Variants in TMTC4 observed in about 807,000 individuals in gnomAD.
TMTC4 encodes protein O-mannosyl-transferase TMTC4.
Under a neutral mutation model 86.0 loss-of-function variants are expected in TMTC4, and 65 were observed. The ratio of observed to expected loss-of-function variants is 0.76; its 90% confidence interval spans 0.62 to 0.93. The LOEUF (loss-of-function observed/expected upper bound fraction) is 0.93, where lower values mean the gene tolerates loss of function less well. Ranked by LOEUF, TMTC4 falls within the 40% of genes least tolerant of loss-of-function variation. The probability of loss-of-function intolerance (pLI) is 0.00; values close to 1 mark genes in which losing one functional copy is unlikely to be tolerated. For missense variants in TMTC4, 866 were observed against 948.1 expected (o/e 0.91, Z 1.14); for synonymous variants, 379 against 382.5 (o/e 0.99, Z 0.11).
rs1312252982 is a variant in TMTC4, at chr13:100,625,650, T to C, written c.1721A>G (p.Asn574Ser). 2.5e-6 allele frequency: 4 copies of C among 1,614,066 alleles called. No homozygotes were observed. The highest frequency in any genetic ancestry group is 2.7e-5 in the African/African-American group (2 of 74,934). ...CAGGCTATTCTGCACTATGCCTAGA[T>C]TCATCCACGCAGCGGCAAAGTCTGG... ...IQPDFAAAWM[N>S]LGIVQNSLKR... Residue 574 changes from asparagine (N) to serine (S), a missense_variant, in exon 15 of 19, where the codon AAT becomes AGT. By Grantham distance (46) the Asn-to-Ser change is conservative (BLOSUM62 1). Transcript: ENST00000342624.
chr13:100,674,291 C>G (rs1887539749), intron 1 of TMTC4: 1 of 979,274 alleles, frequency 1.0e-6, no homozygotes, highest in Non-Finnish European at 1.2e-6. Context: ...GGCCAAGCGG[C>G]CCGGCTGTGT....
chr13:100,662,989 G>A lies in TMTC4; in HGVS notation c.527C>T (p.Ala176Val), dbSNP rs755896160. 6 of 1,614,050 alleles carry A rather than the reference G, an allele frequency of 3.7e-6. No homozygotes were observed. The highest frequency in any genetic ancestry group is 5.1e-6 in the Non-Finnish European group (6 of 1,180,012). The change falls in exon 5 of 19, where the codon GCT becomes GTT. Residue 176 changes from alanine (A) to valine (V), a missense_variant. Coordinates refer to ENST00000342624, the MANE Select transcript of TMTC4 (RefSeq NM_032813.5). Reference protein sequence around the residue: ...RASLLAALLFAVHPVHTECVA... With the variant: ...RASLLAALLFVVHPVHTECVA... ...ACACTCGGTGTGCACAGGATGGACA[G>A]CAAACAGCAGCGCGGCCAGCAGGGA...
chr13:100,646,776 T>C (rs1310282020), intron 6 of TMTC4, among the ~76,000 whole-genome samples: 1 of 152,220 alleles, frequency 6.6e-6, no homozygotes, highest in African/African-American at 2.4e-5. Flanking sequence ...TTTCTATGTA[T>C]CTAATGTCAA....
At chr13:100,612,601 G>A in intron 16 of TMTC4, 91 bp from the exon 17 acceptor site, 1 of 853,112 alleles carries the variant, frequency 1.2e-6, no homozygotes, top group African/African-American at 1.7e-5. Flanking sequence ...TATGTGCACA[G>A]CACATGACAA....
At chr13:100,634,155 AGGTATAATTTT>A (rs138056719) in intron 12 of TMTC4, among the ~76,000 whole-genome samples, 1,713 of 151,558 alleles carry the variant, frequency 0.011, 32 homozygotes, top group African/African-American at 0.039. Context: ...AAAAAAAAAA[AGGTATAATTTT>A]ATGGGACCAT....
At chr13:100,668,488 A>C (rs559860827) in intron 3 of TMTC4, 91 bp downstream of exon 3, 9 of 1,348,056 alleles carry the variant, frequency 6.7e-6, no homozygotes, top group Non-Finnish European at 9.3e-6. Context: ...CTTAACCTAC[A>C]TTCCACAGAG....
chr13:100,614,832 T>G (rs1227306463), intron 15 of TMTC4: 1 of 785,374 alleles, frequency 1.3e-6, no homozygotes. Flanking sequence ...CATTAGTCTT[T>G]TTCACTAAAG....
chr13:100,641,499 T>C (rs2138907472), intron 7 of TMTC4, among the ~76,000 whole-genome samples: 1 of 152,198 alleles, frequency 6.6e-6, no homozygotes, highest in South Asian at 2.1e-4. Context: ...TTTTTTTTCT[T>C]TTTTTGAGAT....
Position 100,667,391 on chromosome 13 carries a change from T to C in TMTC4, c.219+1188A>G, listed in dbSNP as rs571596446. Among the ~76,000 whole-genome samples the C allele has an allele frequency of 2.6e-5, 4 of 152,176 alleles. No individual in the cohort carries two copies. In the East Asian group the frequency reaches 5.8e-4, roughly 22 times the overall value. ...TTGTAGTGAGCCAAAATCGTGACAC[T>C]GTGCTCCAGCCTGGGCAACAGAACG... On this transcript the variant is annotated intron_variant, in intron 3 of 18. Coordinates refer to ENST00000342624, the MANE Select transcript of TMTC4 (RefSeq NM_032813.5).
chr13:100,620,797 G>C (rs921739371), intron 15 of TMTC4, among the ~76,000 whole-genome samples: 1 of 152,028 alleles, frequency 6.6e-6, no homozygotes, highest in African/African-American at 2.4e-5. Context: ...AAAACAAATC[G>C]CTGTCTCCTG....
At chr13:100,642,799 C>T (rs769426536) in intron 6 of TMTC4, among the ~76,000 whole-genome samples, 4 of 152,150 alleles carry the variant, frequency 2.6e-5, no homozygotes, top group Non-Finnish European at 4.4e-5. Context: ...CTGTGGACAC[C>T]AGGTGGCTTA....
rs377347768 is a variant in TMTC4, at chr13:100,663,146, C to A, written c.370G>T (p.Val124Leu). 25 of 1,614,138 alleles carry A rather than the reference C, an allele frequency of 1.5e-5. No individual in the cohort carries two copies. The African/African-American group carries it at 2.1e-4, about 14-fold the overall frequency. The part of the protein sequence containing the change: ...NYYLSGGFHP[V>L]GFHVVNILLH... ...AGGATGTTGACCACGTGAAAGCCCA[C>A]GGGGTGGAAGCCTCCCGAGAGGTAG... Residue 124 changes from valine to leucine, a missense_variant, in exon 5 of 19, where the codon GTG (valine) becomes TTG (leucine). Physicochemically the swap from Val to Leu is conservative, Grantham distance 32 (BLOSUM62 1). Coordinates refer to ENST00000342624, the MANE Select transcript of TMTC4 (RefSeq NM_032813.5).
chr13:100,622,271 G>A (rs1478947197), intron 15 of TMTC4, among the ~76,000 whole-genome samples: 7 of 152,174 alleles, frequency 4.6e-5, no homozygotes, highest in Non-Finnish European at 8.8e-5. Context: ...CTGTGCCCAC[G>A]AAGAAATAAT....
chr13:100,666,061 C>G (rs748632078), intron 3 of TMTC4: 58 of 456,488 alleles, frequency 1.3e-4, no homozygotes, highest in South Asian at 9.0e-4. Flanking sequence ...TGAACACCAA[C>G]GAGGTTCTAA....
chr13:100,667,155 C>T (rs892786625), intron 3 of TMTC4, among the ~76,000 whole-genome samples: 32 of 152,166 alleles, frequency 2.1e-4, no homozygotes, highest in African/African-American at 7.0e-4. Flanking sequence ...AAATATTGGC[C>T]GGGTGTGGTG....
intron 6 of TMTC4, among the ~76,000 whole-genome samples, chr13:100,644,410 G>A (rs989185847): frequency 3.9e-5 from 6 of 151,984 alleles, no homozygotes; most frequent in Non-Finnish European, 5.9e-5. Flanking sequence ...GCCGGGAGGC[G>A]CTCTTCACCT....
At chr13:100,642,185 G>C in intron 7 of TMTC4, 26 bp downstream of exon 7, 1 of 1,611,850 alleles carries the variant, frequency 6.2e-7, no homozygotes, top group Non-Finnish European at 8.5e-7. Context: ...AGAAAAAGCA[G>C]GCCCCAGCCA....
intron 12 of TMTC4, 117 bp downstream of exon 12, chr13:100,634,688 G>GT: frequency 7.9e-7 from 1 of 1,271,014 alleles, no homozygotes; most frequent in East Asian, 2.6e-5. Flanking sequence ...AAAAACCCAA[G>GT]TATTCGGTCA....
At chr13:100,610,700 G>A (rs1240864549) in intron 17 of TMTC4, among the ~76,000 whole-genome samples, 8 of 152,216 alleles carry the variant, frequency 5.3e-5, no homozygotes, top group Non-Finnish European at 8.8e-5. Flanking sequence ...GAAGCCAAAC[G>A]AACTCTGGGT....
Sources: gnomAD v4.1 joint callset for allele counts (sites outside exome capture counted in the v4.1 genomes callset) on GRCh38, gnomAD v4.1.1 for gene constraint, MANE v1.5 for transcripts, NCBI Gene and HGNC (gene_info 2026-07-23, HGNC 2026-07-21) for gene names.